CAMK4: variants seen among roughly 807,000 people sequenced by gnomAD.
The protein encoded by CAMK4 is calcium/calmodulin dependent protein kinase IV.
CAMK4 carries 22 observed loss-of-function variants against 44.9 expected under a neutral mutation model. The ratio of observed to expected loss-of-function variants is 0.49; its 90% CI spans 0.35 to 0.70. CAMK4 has a LOEUF of 0.70. CAMK4 is among the 30% of genes least tolerant of loss of function. The pLI is 0.01. For missense variants in CAMK4, 498 were observed against 586.8 expected (o/e 0.85, Z 1.56); for synonymous variants, 218 against 215.4 (o/e 1.01, Z -0.11).
Position 111,484,017 on chromosome 5 carries a change from T to G in CAMK4, c.982-9T>G. ...AGGTAACACTTGACACTCTTCTGTT[T>G]CCAATCAGGCAGCGGTGAAGGCTGT... On this transcript the variant is annotated splice_polypyrimidine_tract_variant and intron_variant, in intron 10 of 10. Coordinates refer to ENST00000282356, the MANE Select transcript of CAMK4 (RefSeq NM_001744.6). This position sits in a 1 kb window ranked among gnomAD's most constrained non-coding sequence, Gnocchi z 5.3. 1 of 1,552,100 alleles carries G rather than the reference T, an allele frequency of 6.4e-7. No homozygotes were observed. The highest frequency in any genetic ancestry group is 8.7e-7 in the Non-Finnish European group (1 of 1,150,450).
intron 2 of CAMK4, among the ~76,000 whole-genome samples, chr5:111,350,483 C>G (rs1302150335): frequency 6.6e-6 from 1 of 151,904 alleles, no homozygotes; most frequent in Non-Finnish European, 1.5e-5. Flanking sequence ...TGTAATGTGG[C>G]ACACAATAAG....
At chr5:111,422,120 C>T (rs565098259) in intron 5 of CAMK4, among the ~76,000 whole-genome samples, 1 of 152,282 alleles carries the variant, frequency 6.6e-6, no homozygotes, top group South Asian at 2.1e-4. Flanking sequence ...CTTAAAATAT[C>T]TGTGAGACAC....
At chr5:111,386,748 G>A (rs1330543522) in intron 4 of CAMK4, among the ~76,000 whole-genome samples, 2 of 152,234 alleles carry the variant, frequency 1.3e-5, no homozygotes, top group African/African-American at 2.4e-5. Flanking sequence ...GAAGTAAAAG[G>A]CACAGTTGTG....
At chr5:111,249,666 A>ATATATATATGTG (rs1242789662) in intron 1 of CAMK4, among the ~76,000 whole-genome samples, 157 of 140,728 alleles carry the variant, frequency 1.1e-3, no homozygotes, top group African/African-American at 4.1e-3. Context: ...GTGTATATAT[A>ATATATATATGTG]TGTGTGTGTG....
intron 1 of CAMK4, among the ~76,000 whole-genome samples, chr5:111,333,945 C>G (rs1749285416): frequency 6.6e-6 from 1 of 151,300 alleles, no homozygotes; most frequent in African/African-American, 2.4e-5. Flanking sequence ...GGAGACAGAC[C>G]AAAAAGTTGA....
chr5:111,464,097 AGATAT>A (rs140629235), intron 7 of CAMK4, among the ~76,000 whole-genome samples: 1,740 of 152,088 alleles, frequency 0.011, 30 homozygotes, highest in African/African-American at 0.039. Context: ...AAAAAAAATG[AGATAT>A]GAAGGGAAAA....
At chr5:111,239,029 C>T (rs1748871986) in intron 1 of CAMK4, among the ~76,000 whole-genome samples, 1 of 151,660 alleles carries the variant, frequency 6.6e-6, no homozygotes, top group South Asian at 2.1e-4. Context: ...TCCTCAGCAG[C>T]TGGCACGGGA....
At chr5:111,332,117 A>G (rs529734496) in intron 1 of CAMK4, among the ~76,000 whole-genome samples, 2 of 151,702 alleles carry the variant, frequency 1.3e-5, no homozygotes, top group East Asian at 2.0e-4. Flanking sequence ...TTTAGGGTAT[A>G]TGTGCACAAT....
At chr5:111,480,306 T>A (rs530256387) in intron 9 of CAMK4, among the ~76,000 whole-genome samples, 29 of 108,182 alleles carry the variant, frequency 2.7e-4, no homozygotes, top group Non-Finnish European at 3.6e-4. Flanking sequence ...GTAACTCTTA[T>A]TCTCAAGCCC....
chr5:111,264,436 C>T (rs1750137637), intron 1 of CAMK4, among the ~76,000 whole-genome samples: 1 of 152,166 alleles, frequency 6.6e-6, no homozygotes, highest in Non-Finnish European at 1.5e-5. Flanking sequence ...TAAAGAACTC[C>T]TTGCATGGTT....
intron 2 of CAMK4, among the ~76,000 whole-genome samples, chr5:111,347,978 T>C (rs1021984399): frequency 6.6e-6 from 1 of 152,056 alleles, no homozygotes; most frequent in Non-Finnish European, 1.5e-5. Flanking sequence ...TTATAAATAA[T>C]TTAATGTATA....
At chr5:111,421,183 G>T (rs1439516061) in intron 5 of CAMK4, among the ~76,000 whole-genome samples, 1 of 152,136 alleles carries the variant, frequency 6.6e-6, no homozygotes, top group Non-Finnish European at 1.5e-5. Context: ...CCCTCCATTT[G>T]GGGTCCCTGA....
rs1265939213 is a variant in CAMK4, at chr5:111,443,312, ACAC to A, written c.460-3373_460-3371del. Among the ~76,000 whole-genome samples the A allele has an allele frequency of 3.9e-3, 471 of 119,448 alleles. 1 individual carries two copies. The highest frequency in any genetic ancestry group is 0.014 in the African/African-American group (456 of 33,314). 78.4% of individuals were successfully genotyped at this position (119,448 alleles called of 152,430 possible). A position where few individuals can be genotyped will look rare whatever the true frequency, so the allele number is the denominator to read the frequency against. ...CACACACACACACACACACACACAC[ACAC>A]TATATATATATACTATATATACTAT... On this transcript the variant is annotated intron_variant, in intron 5 of 10. Coordinates refer to ENST00000282356, the MANE Select transcript of CAMK4 (RefSeq NM_001744.6).
chr5:111,394,767 C>T lies in CAMK4; in HGVS notation c.444C>T (p.Ile148=). The T allele has an allele frequency of 6.2e-7, 1 of 1,610,186 alleles. No homozygotes were observed. The highest frequency in any genetic ancestry group is 8.5e-7 in the Non-Finnish European group (1 of 1,176,758). ...ERDAADAVKQ[I]LEAVAYLHEN... ...ATGCTGCAGATGCCGTTAAACAAAT[C>T]CTGGAGGCAGTTGCTGTAAGTATGA... is the stretch of plus-strand genomic sequence containing the variant. The change falls in exon 5 of 11, where the codon ATC becomes ATT. Residue 148 remains isoleucine (I), a synonymous_variant. Coordinates refer to ENST00000282356, the MANE Select transcript of CAMK4 (RefSeq NM_001744.6).
At chr5:111,396,032 C>G (rs183844747) in intron 5 of CAMK4, among the ~76,000 whole-genome samples, 160 of 151,958 alleles carry the variant, frequency 1.1e-3, no homozygotes, top group African/African-American at 3.8e-3. Flanking sequence ...TTACCCACAT[C>G]AAAAACAGGA....
chr5:111,325,848 A>G (rs2112706346), intron 1 of CAMK4, among the ~76,000 whole-genome samples: 1 of 152,068 alleles, frequency 6.6e-6, no homozygotes, highest in South Asian at 2.1e-4. Flanking sequence ...CTGATGAGTG[A>G]ACCATGGGAT....
In CAMK4 at chr5:111,308,560, A is replaced by G. The variant is rs180768460; in HGVS notation, c.162-35464A>G. On this transcript the variant is annotated intron_variant, in intron 1 of 10. Transcript: ENST00000282356. Reference sequence around the variant, plus strand: ...AAACTTAAAAATTAATTTTGGGAGCAATCCTTTTTGGAGATCAATCCAAAA... The same window carrying G: ...AAACTTAAAAATTAATTTTGGGAGCGATCCTTTTTGGAGATCAATCCAAAA... 3.2e-3 allele frequency among the ~76,000 whole-genome samples: 495 copies of G among 152,372 alleles called. 3 individuals are homozygous for G. Among genetic ancestry groups the G allele is most frequent in the African/African-American group, 0.011 (465 of 41,596 alleles).
chr5:111,268,720 G>A (rs1404517586), intron 1 of CAMK4, among the ~76,000 whole-genome samples: 2 of 152,164 alleles, frequency 1.3e-5, no homozygotes, highest in Non-Finnish European at 2.9e-5. Context: ...AGGCTGATGT[G>A]TGGTATGTGA....
At chr5:111,257,434 G>T (rs1749789482) in intron 1 of CAMK4, among the ~76,000 whole-genome samples, 2 of 152,156 alleles carry the variant, frequency 1.3e-5, no homozygotes, top group African/African-American at 4.8e-5. Flanking sequence ...TGCAGTTCAA[G>T]ACCACATTGA....
Sources: gnomAD v4.1 joint callset for allele counts (sites outside exome capture counted in the v4.1 genomes callset) on GRCh38, gnomAD v4.1.1 for gene constraint, Gnocchi (gnomAD v3.1) non-coding constraint, MANE v1.5 for transcripts, NCBI Gene and HGNC (gene_info 2026-07-23, HGNC 2026-07-21) for gene names.